ANXA3: variants seen among roughly 807,000 people sequenced by gnomAD.
ANXA3 encodes 35-alpha calcimedin.
ANXA3 carries 46 observed loss-of-function variants against 48.8 expected under a neutral mutation model. The ratio of observed to expected loss-of-function variants is 0.94; its 90% CI spans 0.74 to 1.21. The LOEUF (loss-of-function observed/expected upper bound fraction) is 1.21, where lower values mean the gene tolerates loss of function less well. Among genes scored for constraint, ANXA3 ranks in the 50% most tolerant of loss-of-function variants. The pLI, the probability that ANXA3 is intolerant of heterozygous loss-of-function variation, is 0.00. For missense variants in ANXA3, 383 were observed against 378.6 expected (o/e 1.01, Z -0.10); for synonymous variants, 128 against 134.7 (o/e 0.95, Z 0.35).
intron 2 of ANXA3, among the ~76,000 whole-genome samples, chr4:78,555,708 G>A (rs1299081562): frequency 6.6e-6 from 1 of 151,384 alleles, no homozygotes; most frequent in Non-Finnish European, 1.5e-5. Flanking sequence ...AAAATTAGCT[G>A]AACGTTGTGG....
intron 11 of ANXA3, chr4:78,603,193 GCAGA>G (rs1723579592): frequency 6.6e-6 from 1 of 152,140 alleles, no homozygotes; most frequent in Non-Finnish European, 1.5e-5. Flanking sequence ...TAAGCTCCAT[GCAGA>G]CAGAGATATA....
At chr4:78,566,612 T>TATA (rs1722736824) in intron 2 of ANXA3, among the ~76,000 whole-genome samples, 2 of 122,454 alleles carry the variant, frequency 1.6e-5, no homozygotes, top group South Asian at 2.7e-4. Flanking sequence ...AGCTAAACAA[T>TATA]GGGTACACAT....
At chr4:78,565,389 G>A (rs1373499234) in intron 2 of ANXA3, among the ~76,000 whole-genome samples, 1 of 152,230 alleles carries the variant, frequency 6.6e-6, no homozygotes, top group African/African-American at 2.4e-5. Flanking sequence ...ACGGGAGAGC[G>A]ATGATTGTGA....
intron 6 of ANXA3, among the ~76,000 whole-genome samples, chr4:78,589,662 C>G (rs1229111107): frequency 6.6e-6 from 1 of 152,076 alleles, no homozygotes; most frequent in Non-Finnish European, 1.5e-5. Context: ...CTACTGTTTT[C>G]TTCATTATTT....
intron 1 of ANXA3, among the ~76,000 whole-genome samples, chr4:78,553,258 T>C (rs1722437348): frequency 6.6e-6 from 1 of 152,220 alleles, no homozygotes; most frequent in Admixed American, 6.5e-5. Context: ...TCCAGCTTCT[T>C]CATATGCAAA....
At position 78,604,314 on chromosome 4, in the gene ANXA3, T is replaced by C. The variant is rs1723603846; in HGVS notation, c.827T>C (p.Met276Thr). The C allele has an allele frequency of 6.2e-7, 1 of 1,613,506 alleles. No individual in the cohort carries two copies. The highest frequency in any genetic ancestry group is 1.1e-5 in the South Asian group (1 of 91,052). The change falls in exon 12 of 13, where the codon ATG becomes ACG. Residue 276 changes from methionine to threonine, a missense_variant. Coordinates refer to ENST00000264908, the MANE Select transcript of ANXA3 (RefSeq NM_005139.3). ...GTDEFTLNRI[M>T]VSRSEIDLLD... is the part of the protein sequence containing the mutation. Reference sequence around the variant, plus strand: ...GATGAGTTTACTCTGAACCGAATAATGGTGTCCAGATCAGAAATTGACCTT... The same window carrying C: ...GATGAGTTTACTCTGAACCGAATAACGGTGTCCAGATCAGAAATTGACCTT...
chr4:78,597,593 G>T (rs1486995923), intron 10 of ANXA3, among the ~76,000 whole-genome samples, 179 bp downstream of exon 10: 1 of 152,092 alleles, frequency 6.6e-6, no homozygotes, highest in African/African-American at 2.4e-5. Context: ...AATGCTTGAA[G>T]AAGTTATTTT....
At chr4:78,595,074 TTATAG>T (rs1240444436) in intron 7 of ANXA3, among the ~76,000 whole-genome samples, 1 of 152,156 alleles carries the variant, frequency 6.6e-6, no homozygotes, top group Non-Finnish European at 1.5e-5. Context: ...GAGTTCAAGG[TTATAG>T]TGAGCTATGA....
chr4:78,557,689 C>CT (rs71216222), intron 2 of ANXA3, among the ~76,000 whole-genome samples: 2,437 of 144,260 alleles, frequency 0.017, 73 homozygotes, highest in African/African-American at 0.058. Context: ...CTGGGTTTTT[C>CT]TTTTTTTTTT....
intron 12 of ANXA3, among the ~76,000 whole-genome samples, chr4:78,606,567 G>T (rs540691738): frequency 1.9e-4 from 29 of 152,170 alleles, no homozygotes; most frequent in African/African-American, 6.5e-4. Flanking sequence ...TCCAACCTTC[G>T]CTATGGCCCT....
At chr4:78,602,679 C>A (rs1723568210) in intron 11 of ANXA3, 1 of 152,272 alleles carries the variant, frequency 6.6e-6, no homozygotes, top group Non-Finnish European at 1.5e-5. Flanking sequence ...TGCTTACCTC[C>A]ATCTCTTTAC....
intron 6 of ANXA3, among the ~76,000 whole-genome samples, chr4:78,588,379 T>C (rs755240705): frequency 2.0e-5 from 3 of 151,822 alleles, no homozygotes; most frequent in Non-Finnish European, 4.4e-5. Context: ...CGTGACAGAG[T>C]GAGACCTTGT....
chr4:78,563,356 C>T (rs1722662085), intron 2 of ANXA3, among the ~76,000 whole-genome samples: 1 of 152,184 alleles, frequency 6.6e-6, no homozygotes, highest in Non-Finnish European at 1.5e-5. Context: ...CCTGCAAAGC[C>T]AGTGCTGTGG....
chr4:78,579,288 G>C (rs1578396896), intron 4 of ANXA3, among the ~76,000 whole-genome samples, 167 bp downstream of exon 4: 1 of 152,212 alleles, frequency 6.6e-6, no homozygotes, highest in Non-Finnish European at 1.5e-5. Context: ...CCTTGAACTA[G>C]CTGACTGGCT....
chr4:78,579,156 A>T lies in ANXA3; in HGVS notation c.198+35A>T, dbSNP rs765302854. On this transcript the variant is annotated intron_variant, in intron 4 of 12. Transcript: ENST00000264908. ...CATTAACATGACAGGCAGTAAAGAG[A>T]TCATTAATGTACCATGGTCGCTCCC... is the stretch of plus-strand genomic sequence containing the variant. 108 of 1,450,994 alleles carry T rather than the reference A, an allele frequency of 7.4e-5. 3 individuals carry two copies. The South Asian group carries it at 1.2e-3, about 16-fold the overall frequency. The allele number at this position is 1,450,994 out of a possible 1,614,324, so 89.9% of individuals were successfully genotyped here.
Position 78,579,005 on chromosome 4 carries a change from A to C in ANXA3, c.104-22A>C, listed in dbSNP as rs944072457. ...AAATGTTGAGCATAAATATTGAGTA[A>C]AATAACTTTTGTTTCATTTAGGAAC... On this transcript the variant is annotated intron_variant, in intron 3 of 12. Transcript: ENST00000264908. 6 of 1,543,262 alleles carry C rather than the reference A, an allele frequency of 3.9e-6. No homozygotes were observed. The African/African-American group carries it at 8.2e-5, about 21-fold the overall frequency.
intron 2 of ANXA3, among the ~76,000 whole-genome samples, chr4:78,557,040 T>C (rs1722529710): frequency 6.6e-6 from 1 of 152,262 alleles, no homozygotes; most frequent in South Asian, 2.1e-4. Context: ...GAAGGTGTTG[T>C]TGGGACTGCA....
intron 5 of ANXA3, among the ~76,000 whole-genome samples, chr4:78,584,949 G>T (rs1476130032): frequency 6.6e-6 from 1 of 152,212 alleles, no homozygotes; most frequent in Non-Finnish European, 1.5e-5. Context: ...ACCTTGGTAG[G>T]CTGTTGGGGA....
chr4:78,560,654 T>C (rs924048882), intron 2 of ANXA3, among the ~76,000 whole-genome samples: 6 of 152,214 alleles, frequency 3.9e-5, no homozygotes, highest in African/African-American at 1.4e-4. Flanking sequence ...ATCCAGCCCC[T>C]CTTTCCTCCT....
Sources: gnomAD v4.1 joint callset for allele counts (sites outside exome capture counted in the v4.1 genomes callset) on GRCh38, gnomAD v4.1.1 for gene constraint, MANE v1.5 for transcripts, NCBI Gene and HGNC (gene_info 2026-07-23, HGNC 2026-07-21) for gene names.